The following RPS6KC1 variants were observed in gnomAD, a reference collection of about 807,000 sequenced individuals.
RPS6KC1 encodes the protein inactive ribosomal protein S6 kinase delta-1.
A neutral mutation model predicts 103.8 loss-of-function variants in RPS6KC1; 54 were observed. The ratio of observed to expected loss-of-function variants is 0.52; its 90% CI spans 0.42 to 0.65. The LOEUF is 0.65. Among genes scored for constraint, RPS6KC1 ranks in the 30% least tolerant of loss-of-function variants. The pLI is 0.00. For synonymous variants in RPS6KC1, 439 were observed against 438.7 expected (o/e 1.00, Z -0.01); for missense variants, 1,151 against 1,253.8 (o/e 0.92, Z 1.24).
the RPS6KC1 span, among the ~76,000 whole-genome samples, chr1:213,490,633 G>A: frequency 3.3e-5 from 5 of 152,206 alleles, no homozygotes; most frequent in Admixed American, 2.0e-4. Flanking sequence ...TTGGCTGTTG[G>A]CTACCTGGAC....
the RPS6KC1 span, among the ~76,000 whole-genome samples, chr1:213,292,300 T>C: frequency 6.6e-5 from 10 of 151,940 alleles, no homozygotes; most frequent in Non-Finnish European, 1.5e-4. Context: ...AAAAAAAACA[T>C]GTTGACATTG....
intron 6 of RPS6KC1, among the ~76,000 whole-genome samples, chr1:213,132,524 G>A (rs2085760435): frequency 6.6e-6 from 1 of 152,182 alleles, no homozygotes. Flanking sequence ...TAGCATACTA[G>A]TCACCACCTA....
intron 3 of RPS6KC1, among the ~76,000 whole-genome samples, chr1:213,092,744 C>T (rs186250266): frequency 1.2e-4 from 18 of 150,034 alleles, no homozygotes; most frequent in Non-Finnish European, 2.1e-4. Flanking sequence ...ACAAAACAAA[C>T]GCGTATAATG....
At chr1:213,667,610 G>C in the RPS6KC1 span, among the ~76,000 whole-genome samples, 1 of 152,192 alleles carries the variant, frequency 6.6e-6, no homozygotes, top group African/African-American at 2.4e-5. Context: ...TAGGGTGGCT[G>C]TAGCAATTTC....
chr1:213,387,117 A>G, the RPS6KC1 span, among the ~76,000 whole-genome samples: 1 of 152,224 alleles, frequency 6.6e-6, no homozygotes, highest in Non-Finnish European at 1.5e-5. Context: ...CCCAGTAGGG[A>G]AGACAGTTCA....
the RPS6KC1 span, among the ~76,000 whole-genome samples, chr1:213,415,615 C>T: frequency 6.6e-6 from 1 of 152,224 alleles, no homozygotes; most frequent in Non-Finnish European, 1.5e-5. Flanking sequence ...CCCAGGGCTT[C>T]CTCCTGGGGT....
chr1:213,287,943 A>G, the RPS6KC1 span, among the ~76,000 whole-genome samples: 1 of 146,196 alleles, frequency 6.8e-6, no homozygotes, highest in South Asian at 2.3e-4. Flanking sequence ...GATATAAATC[A>G]GAATATCTGT....
chr1:213,145,991 T>C (rs1484489787), intron 6 of RPS6KC1, among the ~76,000 whole-genome samples: 1 of 146,508 alleles, frequency 6.8e-6, no homozygotes, highest in Non-Finnish European at 1.5e-5. Flanking sequence ...TTTTTTTTTT[T>C]TTTGGTATAT....
the RPS6KC1 span, among the ~76,000 whole-genome samples, chr1:213,533,647 C>G: frequency 6.6e-6 from 1 of 152,296 alleles, no homozygotes; most frequent in South Asian, 2.1e-4. Flanking sequence ...GTTTTTTGGA[C>G]TACCCTCACT....
the RPS6KC1 span, among the ~76,000 whole-genome samples, chr1:213,645,750 A>G: frequency 6.6e-6 from 1 of 152,174 alleles, no homozygotes; most frequent in Non-Finnish European, 1.5e-5. Context: ...CAAATCGGAA[A>G]TTGGGTTTGT....
the RPS6KC1 span, among the ~76,000 whole-genome samples, chr1:213,287,367 T>G: frequency 6.6e-6 from 1 of 152,128 alleles, no homozygotes; most frequent in Non-Finnish European, 1.5e-5. Flanking sequence ...CTAGCCTTTA[T>G]TGGTATCTTT....
intron 1 of RPS6KC1, among the ~76,000 whole-genome samples, 188 bp from the exon 2 acceptor site, chr1:213,070,818 C>T (rs1429966562): frequency 6.6e-6 from 1 of 152,066 alleles, no homozygotes; most frequent in Non-Finnish European, 1.5e-5. Context: ...TTAGGTTAAA[C>T]TTGATTTAAC....
At chr1:213,341,179 T>C in the RPS6KC1 span, among the ~76,000 whole-genome samples, 1 of 152,194 alleles carries the variant, frequency 6.6e-6, no homozygotes, top group Non-Finnish European at 1.5e-5. Flanking sequence ...CCTCTCAGCA[T>C]GTCCCTTTTA....
the RPS6KC1 span, among the ~76,000 whole-genome samples, chr1:213,651,731 A>G: frequency 6.6e-6 from 1 of 152,158 alleles, no homozygotes; most frequent in Non-Finnish European, 1.5e-5. Flanking sequence ...GTTCCTTTCT[A>G]TTGCTTCCCT....
the RPS6KC1 span, among the ~76,000 whole-genome samples, chr1:213,734,048 A>T: frequency 2.0e-5 from 3 of 152,236 alleles, no homozygotes; most frequent in African/African-American, 7.2e-5. Flanking sequence ...AATGACTGTC[A>T]GTTATTTATA....
chr1:213,574,179 A>T, the RPS6KC1 span, among the ~76,000 whole-genome samples: 1 of 152,212 alleles, frequency 6.6e-6, no homozygotes, highest in African/African-American at 2.4e-5. Context: ...CAGTGCTGGC[A>T]TCCCCTTTCT....
At chr1:213,862,273 C>T in the RPS6KC1 span, among the ~76,000 whole-genome samples, 3 of 152,176 alleles carry the variant, frequency 2.0e-5, no homozygotes, top group Non-Finnish European at 4.4e-5. Flanking sequence ...AATCAAATTT[C>T]TAAAACCATG....
intron 8 of RPS6KC1, among the ~76,000 whole-genome samples, chr1:213,210,294 G>A (rs537347583): frequency 2.0e-5 from 3 of 152,250 alleles, no homozygotes; most frequent in Non-Finnish European, 4.4e-5. Flanking sequence ...TTTCCAATAA[G>A]CCTTCAGATT....
the RPS6KC1 span, among the ~76,000 whole-genome samples, chr1:213,497,025 G>A: frequency 2.0e-5 from 3 of 152,118 alleles, no homozygotes; most frequent in Non-Finnish European, 1.5e-5. Context: ...AAGGAGATAT[G>A]CATTATATAT....
Sources: gnomAD v4.1 joint callset for allele counts (sites outside exome capture counted in the v4.1 genomes callset) on GRCh38, gnomAD v4.1.1 for gene constraint, MANE v1.5 for transcripts, NCBI Gene and HGNC (gene_info 2026-07-23, HGNC 2026-07-21) for gene names.